Variants in EFCAB7 observed in about 807,000 individuals in gnomAD.
EFCAB7 encodes EF-hand calcium binding domain 7.
A neutral mutation model predicts 77.1 loss-of-function variants in EFCAB7; 66 were observed. That is an observed-to-expected ratio of 0.86 (90% CI 0.70 to 1.05). The LOEUF (loss-of-function observed/expected upper bound fraction) is 1.05. Ranked by LOEUF, EFCAB7 falls within the 50% of genes least tolerant of loss-of-function variation. The pLI, the probability that EFCAB7 is intolerant of heterozygous loss-of-function variation, is 0.00. For missense variants in EFCAB7, 638 were observed against 730.5 expected, an observed-to-expected ratio of 0.87 and a Z score of 1.46; for synonymous variants, 225 against 243.3, an observed-to-expected ratio of 0.92 and a Z score of 0.70.
chr1:63,556,283 T>C (rs932478891), intron 9 of EFCAB7, among the ~76,000 whole-genome samples: 1 of 152,170 alleles, frequency 6.6e-6, no homozygotes, highest in Admixed American at 6.5e-5. Flanking sequence ...ATGATAAATA[T>C]ATGAGATAAT....
chr1:63,555,963 C>T (rs1485478563), intron 9 of EFCAB7, among the ~76,000 whole-genome samples: 1 of 152,020 alleles, frequency 6.6e-6, no homozygotes, highest in Non-Finnish European at 1.5e-5. Flanking sequence ...GTCTCAAACT[C>T]CTGGCCTCAA....
chr1:63,555,628 C>A, intron 9 of EFCAB7, 113 bp downstream of exon 9: 1 of 858,660 alleles, frequency 1.2e-6, no homozygotes. Flanking sequence ...TCTAATTCAC[C>A]AATTCAACTC....
chr1:63,524,081 T>A (rs1646533341), intron 1 of EFCAB7, among the ~76,000 whole-genome samples: 1 of 152,170 alleles, frequency 6.6e-6, no homozygotes, highest in Non-Finnish European at 1.5e-5. Context: ...TGGTTTCTCG[T>A]CACAGAAAGG....
At chr1:63,576,536 T>C (rs1314961351), downstream of EFCAB7, among the ~76,000 whole-genome samples, 2 of 151,264 alleles carry the variant, frequency 1.3e-5, no homozygotes, top group African/African-American at 4.9e-5. Flanking sequence ...ATAAGTACTC[T>C]TGTCCAGGTG....
At chr1:63,561,262 C>T (rs9436690) in intron 10 of EFCAB7, among the ~76,000 whole-genome samples, 4,829 of 152,164 alleles carry the variant, frequency 0.032, 270 homozygotes, top group African/African-American at 0.11. Context: ...ACACTATTCC[C>T]GTTTTTCTTT....
At chr1:63,542,616 T>C (rs1369346271) in intron 6 of EFCAB7, among the ~76,000 whole-genome samples, 1 of 152,192 alleles carries the variant, frequency 6.6e-6, no homozygotes, top group Non-Finnish European at 1.5e-5. Flanking sequence ...ATACCAATAC[T>C]TGTCGTTTTC....
chr1:63,572,363 A>T, intron 13 of EFCAB7, 79 bp from the exon 14 acceptor site: 1 of 1,173,582 alleles, frequency 8.5e-7, no homozygotes, highest in Non-Finnish European at 1.2e-6. Flanking sequence ...CAAGGCCTAG[A>T]AATGTTGTCC....
chr1:63,539,950 T>G (rs991164637), intron 6 of EFCAB7, among the ~76,000 whole-genome samples: 4 of 145,926 alleles, frequency 2.7e-5, no homozygotes, highest in African/African-American at 1.0e-4. Context: ...ATGTTGATTA[T>G]GTTAAGGGCA....
intron 7 of EFCAB7, among the ~76,000 whole-genome samples, chr1:63,546,598 C>T (rs1557679205): frequency 6.6e-6 from 1 of 152,140 alleles, no homozygotes; most frequent in African/African-American, 2.4e-5. Context: ...AAACTCCTGA[C>T]CTCAGGTGAT....
At chr1:63,549,006 A>G (rs1646933048) in intron 7 of EFCAB7, 1 of 180,858 alleles carries the variant, frequency 5.5e-6, no homozygotes, top group South Asian at 1.3e-4. Context: ...CTAGCGGAAG[A>G]GACAGGATAA....
chr1:63,526,232 T>C (rs919636813), intron 2 of EFCAB7, among the ~76,000 whole-genome samples: 4 of 152,112 alleles, frequency 2.6e-5, no homozygotes, highest in African/African-American at 9.7e-5. Flanking sequence ...TATTTTTTGT[T>C]TTGTCTTTTA....
chr1:63,525,103 A>T (rs1646562456), intron 1 of EFCAB7, among the ~76,000 whole-genome samples: 1 of 152,114 alleles, frequency 6.6e-6, no homozygotes, highest in Non-Finnish European at 1.5e-5. Context: ...TCTGCAGTTT[A>T]TTTAGCACTT....
At chr1:63,562,857 C>A (rs1647125959) in intron 11 of EFCAB7, among the ~76,000 whole-genome samples, 1 of 152,038 alleles carries the variant, frequency 6.6e-6, no homozygotes, top group Admixed American at 6.6e-5. Context: ...ATACTTGAAT[C>A]AACTTAGGAG....
chr1:63,523,532 A>T lies in EFCAB7; in HGVS notation c.-104A>T. ...CCGGTGGCGGTGAGGTGCAGTTGCC[A>T]TGGTGATTAGAGAAAGGCCGAGATC... is the stretch of plus-strand genomic sequence containing the variant. On this transcript the variant is annotated 5_prime_UTR_variant, in exon 1 of 14. An upstream start codon of the reference 5' UTR is lost. Coordinates refer to ENST00000371088, the MANE Select transcript of EFCAB7 (RefSeq NM_032437.4). 2 of 271,324 alleles carry T rather than the reference A, an allele frequency of 7.4e-6. No homozygotes were observed. Among genetic ancestry groups the T allele is most frequent in the Non-Finnish European group, 1.5e-5 (2 of 137,350 alleles). The allele number at this position is 271,324 out of a possible 1,614,324, so 16.8% of individuals were successfully genotyped here. A position where few individuals can be genotyped will look rare whatever the true frequency, so the allele number is the denominator to read the frequency against.
At chr1:63,560,712 G>T (rs1383200069) in intron 10 of EFCAB7, among the ~76,000 whole-genome samples, 1 of 151,918 alleles carries the variant, frequency 6.6e-6, no homozygotes, top group South Asian at 2.1e-4. Context: ...AGTAGAGATG[G>T]GGTTTCACCA....
intron 2 of EFCAB7, 143 bp downstream of exon 2, chr1:63,525,902 T>C: frequency 5.2e-6 from 3 of 581,588 alleles, no homozygotes; most frequent in Non-Finnish European, 5.9e-6. Context: ...TAAGCTATTA[T>C]GTCATATCAT....
chr1:63,534,034 G>T, intron 5 of EFCAB7, 61 bp from the exon 6 acceptor site: 2 of 1,596,106 alleles, frequency 1.3e-6, no homozygotes, highest in South Asian at 1.1e-5. Context: ...ACTGTGTTTG[G>T]AAAAAACTCC....
intron 8 of EFCAB7, among the ~76,000 whole-genome samples, chr1:63,552,672 G>A (rs532148373): frequency 2.0e-5 from 3 of 152,270 alleles, no homozygotes; most frequent in Admixed American, 1.3e-4. Flanking sequence ...TTTATTTTAT[G>A]AGGACTACAA....
At chr1:63,561,374 T>C (rs992728115) in intron 10 of EFCAB7, among the ~76,000 whole-genome samples, 2 of 152,200 alleles carry the variant, frequency 1.3e-5, no homozygotes, top group Admixed American at 1.3e-4. Flanking sequence ...TTGAAATATA[T>C]AACAACGTAT....
Sources: allele counts gnomAD v4.1 joint callset (sites outside exome capture counted in the v4.1 genomes callset), GRCh38; gene constraint gnomAD v4.1.1; transcripts MANE v1.5; gene names NCBI Gene and HGNC (gene_info 2026-07-23, HGNC 2026-07-21).